GPHN: variants seen among roughly 807,000 people sequenced by gnomAD.
GPHN encodes the protein gephyrin.
In GPHN, 17 loss-of-function variants were observed where a neutral mutation model predicts 95.5. The observed-to-expected ratio is 0.18, with a 90% CI of 0.12 to 0.27. The LOEUF (loss-of-function observed/expected upper bound fraction) is 0.27, where lower values mean the gene tolerates loss of function less well. Ranked by LOEUF, GPHN falls within the 10% of genes least tolerant of loss-of-function variation. The probability of loss-of-function intolerance (pLI) is 1.00; values close to 1 mark genes in which losing one functional copy is unlikely to be tolerated. For synonymous variants in GPHN, 320 were observed against 322.5 expected (o/e 0.99, Z 0.08); for missense variants, 660 against 978.1 (o/e 0.67, Z 4.34).
chr14:67,554,893 C>A, the GPHN span, among the ~76,000 whole-genome samples: 4 of 152,172 alleles, frequency 2.6e-5, no homozygotes, highest in African/African-American at 9.7e-5. Flanking sequence ...CCTCTACTGG[C>A]AGCAAGACAG....
At chr14:67,699,168 A>G in the GPHN span, among the ~76,000 whole-genome samples, 30,158 of 151,714 alleles carry the variant, frequency 0.2, 3,476 homozygotes, top group African/African-American at 0.33. Flanking sequence ...CAGGAGAATC[A>G]CTTGAACCCG....
At chr14:67,392,476 C>T in the GPHN span, 9 of 1,428,596 alleles carry the variant, frequency 6.3e-6, no homozygotes, top group Middle Eastern at 1.8e-4. Context: ...AGACCCAGGC[C>T]CAGGCTATGG....
chr14:66,807,866 G>A (rs1290916458), intron 3 of GPHN, among the ~76,000 whole-genome samples: 2 of 152,212 alleles, frequency 1.3e-5, no homozygotes, highest in Admixed American at 6.5e-5. Context: ...GTGCACATAT[G>A]TATGCATTCT....
At chr14:66,639,344 A>G (rs2064271638) in intron 1 of GPHN, among the ~76,000 whole-genome samples, 1 of 152,100 alleles carries the variant, frequency 6.6e-6, no homozygotes, top group Admixed American at 6.5e-5. Flanking sequence ...GTTCAAGAAG[A>G]ACAAGAATAA....
At chr14:66,967,064 A>G (rs990230881) in intron 9 of GPHN, among the ~76,000 whole-genome samples, 3 of 151,912 alleles carry the variant, frequency 2.0e-5, no homozygotes, top group African/African-American at 7.2e-5. Context: ...TTAGATGTTC[A>G]AATTGACAGT....
At chr14:67,530,222 G>A in the GPHN span, among the ~76,000 whole-genome samples, 75 of 152,302 alleles carry the variant, frequency 4.9e-4, 1 homozygote, top group South Asian at 1.2e-3. Context: ...ATCACTTGCT[G>A]CATGCCAGAC....
the GPHN span, among the ~76,000 whole-genome samples, chr14:67,369,305 T>C: frequency 2.0e-5 from 3 of 152,244 alleles, no homozygotes; most frequent in Non-Finnish European, 2.9e-5. Context: ...AGGGTCAATT[T>C]GTTAGAAGGA....
intron 16 of GPHN, among the ~76,000 whole-genome samples, chr14:67,115,046 T>C (rs1355738576): frequency 1.3e-5 from 2 of 152,212 alleles, no homozygotes; most frequent in Non-Finnish European, 2.9e-5. Context: ...AGACCTGCTA[T>C]ACTAAACTAT....
At chr14:66,552,478 G>GT (rs937754161) in intron 1 of GPHN, among the ~76,000 whole-genome samples, 1 of 152,144 alleles carries the variant, frequency 6.6e-6, no homozygotes, top group African/African-American at 2.4e-5. Context: ...AAAGGAAACA[G>GT]TTTTTGTGTT....
At chr14:67,678,469 G>T in the GPHN span, 1 of 1,301,988 alleles carries the variant, frequency 7.7e-7, no homozygotes, top group Non-Finnish European at 1.1e-6. Context: ...TAAGAATGAA[G>T]TCTGCCATCT....
chr14:66,704,352 CA>C, intron 2 of GPHN, among the ~76,000 whole-genome samples: 1 of 152,056 alleles, frequency 6.6e-6, no homozygotes, highest in Non-Finnish European at 1.5e-5. Flanking sequence ...CCTAAATCAA[CA>C]GAATATACGT....
chr14:67,684,956 A>C, the GPHN span: 1 of 1,461,190 alleles, frequency 6.8e-7, no homozygotes, highest in South Asian at 1.3e-5. Context: ...ACCCAGACAA[A>C]CCCAAATTAT....
intron 11 of GPHN, among the ~76,000 whole-genome samples, chr14:67,070,522 C>T (rs1027431947): frequency 1.0e-4 from 15 of 148,968 alleles, no homozygotes; most frequent in African/African-American, 1.5e-4. Flanking sequence ...ATGGTGAAAC[C>T]GCGTCTCTAC....
the GPHN span, among the ~76,000 whole-genome samples, chr14:67,258,931 C>T: frequency 6.6e-6 from 1 of 151,992 alleles, no homozygotes; most frequent in Non-Finnish European, 1.5e-5. Flanking sequence ...AGCCTCCCAC[C>T]TCCCGGGTTC....
chr14:66,583,455 T>C (rs1174366424), intron 1 of GPHN, among the ~76,000 whole-genome samples: 1 of 152,196 alleles, frequency 6.6e-6, no homozygotes, highest in Non-Finnish European at 1.5e-5. Context: ...CATGAAGTCC[T>C]TGCCCATGTC....
chr14:66,570,574 G>A (rs1023579324), intron 1 of GPHN, among the ~76,000 whole-genome samples: 5 of 138,186 alleles, frequency 3.6e-5, no homozygotes, highest in African/African-American at 1.6e-4. Context: ...CCAAAGTGCC[G>A]AGATTACAGG....
the GPHN span, among the ~76,000 whole-genome samples, chr14:67,470,060 G>A: frequency 6.6e-6 from 1 of 152,158 alleles, no homozygotes; most frequent in Non-Finnish European, 1.5e-5. Context: ...TGGGGTCAGG[G>A]TGTGAATTCA....
chr14:66,758,445 A>G (rs1379766570), intron 2 of GPHN, among the ~76,000 whole-genome samples: 2 of 152,046 alleles, frequency 1.3e-5, no homozygotes, highest in African/African-American at 2.4e-5. Context: ...TAGCAGTCAA[A>G]TCTCCCTCAG....
At chr14:66,572,315 C>T (rs780278804) in intron 1 of GPHN, among the ~76,000 whole-genome samples, 4 of 152,164 alleles carry the variant, frequency 2.6e-5, no homozygotes, top group Admixed American at 2.0e-4. Flanking sequence ...ACAGTGGTTA[C>T]GTTGAATCTG....
Sources: gnomAD v4.1 joint callset for allele counts (sites outside exome capture counted in the v4.1 genomes callset) on GRCh38, gnomAD v4.1.1 for gene constraint, MANE v1.5 for transcripts, NCBI Gene and HGNC (gene_info 2026-07-23, HGNC 2026-07-21) for gene names.